Variants in FAM110B observed in about 807,000 individuals in gnomAD.
FAM110B encodes the protein protein FAM110B.
Under a neutral mutation model 20.4 loss-of-function variants are expected in FAM110B, and 6 were observed. The ratio of observed to expected loss-of-function variants is 0.29; its 90% CI spans 0.16 to 0.58. The LOEUF (loss-of-function observed/expected upper bound fraction) is 0.58, where lower values mean the gene tolerates loss of function less well. Ranked by LOEUF, FAM110B falls within the 20% of genes least tolerant of loss-of-function variation. FAM110B has a pLI of 0.90. For synonymous variants in FAM110B, 226 were observed against 214.1 expected (o/e 1.06, Z -0.49); for missense variants, 434 against 498.2 (o/e 0.87, Z 1.23).
intron 2 of FAM110B, among the ~76,000 whole-genome samples, chr8:58,036,093 T>G (rs1805069655): frequency 6.6e-6 from 1 of 152,166 alleles, no homozygotes; most frequent in Non-Finnish European, 1.5e-5. Context: ...CTTATATCAG[T>G]TACACACCAA....
intron 2 of FAM110B, among the ~76,000 whole-genome samples, chr8:58,063,904 G>T (rs144126829): frequency 3.9e-5 from 6 of 152,250 alleles, no homozygotes; most frequent in African/African-American, 1.2e-4. Flanking sequence ...CCTGAGATTG[G>T]GTAGTTTATA....
At chr8:58,085,147 G>A (rs542432308) in intron 3 of FAM110B, among the ~76,000 whole-genome samples, 1 of 152,296 alleles carries the variant, frequency 6.6e-6, no homozygotes, top group East Asian at 1.9e-4. Flanking sequence ...TGCTGTATTG[G>A]TAAAGGGAAG....
intron 3 of FAM110B, among the ~76,000 whole-genome samples, chr8:58,124,293 A>T (rs144490702): frequency 2.0e-4 from 31 of 152,338 alleles, no homozygotes; most frequent in African/African-American, 7.5e-4. Context: ...CCCTAATGAC[A>T]ATGAAATTGT....
rs528247990 is a variant in FAM110B, at chr8:58,085,883, G to A, written c.-325+10260G>A. On this transcript the variant is annotated intron_variant, in intron 3 of 3. Transcript: ENST00000519262. ...GCCAGTGCTCAATTAAAAAATCAAT[G>A]GAATTAATATAAACCTGAGTAAATT... Among the ~76,000 whole-genome samples, 10 of 152,264 alleles carry A rather than the reference G, an allele frequency of 6.6e-5. No individual in the cohort carries two copies. The South Asian group carries it at 1.2e-3, about 19-fold the overall frequency.
intron 1 of FAM110B, among the ~76,000 whole-genome samples, chr8:58,015,629 T>C (rs1804622533): frequency 6.6e-6 from 1 of 151,942 alleles, no homozygotes; most frequent in African/African-American, 2.4e-5. Flanking sequence ...GCAGATCACT[T>C]GAGGTCAGGA....
At chr8:58,007,918 T>C (rs1804444722) in intron 1 of FAM110B, among the ~76,000 whole-genome samples, 1 of 152,214 alleles carries the variant, frequency 6.6e-6, no homozygotes, top group Non-Finnish European at 1.5e-5. Flanking sequence ...GAAGGTGTTA[T>C]TTTCTTCTTT....
intron 3 of FAM110B, among the ~76,000 whole-genome samples, chr8:58,135,583 T>G (rs896214220): frequency 6.6e-6 from 1 of 152,238 alleles, no homozygotes; most frequent in Non-Finnish European, 1.5e-5. Flanking sequence ...AAATAAATGT[T>G]CTGTATATAT....
intron 3 of FAM110B, among the ~76,000 whole-genome samples, chr8:58,140,156 C>T (rs950998093): frequency 6.6e-6 from 1 of 152,050 alleles, no homozygotes; most frequent in Non-Finnish European, 1.5e-5. Context: ...CCAACCACTT[C>T]TCCGTAGTCA....
intron 3 of FAM110B, among the ~76,000 whole-genome samples, chr8:58,101,176 C>T (rs1007254417): frequency 8.7e-6 from 1 of 114,314 alleles, no homozygotes; most frequent in Non-Finnish European, 1.9e-5. Flanking sequence ...GACTCCGTCT[C>T]AAAAAAAAAA....
At chr8:58,141,815 C>T (rs567616472) in intron 3 of FAM110B, among the ~76,000 whole-genome samples, 71 of 152,288 alleles carry the variant, frequency 4.7e-4, no homozygotes, top group African/African-American at 1.7e-3. Flanking sequence ...CAGCCCGTAG[C>T]GGGGGGCTCC....
At chr8:58,072,419 T>C (rs1805922485) in intron 2 of FAM110B, among the ~76,000 whole-genome samples, 1 of 152,258 alleles carries the variant, frequency 6.6e-6, no homozygotes, top group South Asian at 2.1e-4. Context: ...AACGGTATTA[T>C]GATATCCCAA....
intron 1 of FAM110B, among the ~76,000 whole-genome samples, chr8:58,018,634 C>T (rs566079524): frequency 3.3e-5 from 5 of 152,068 alleles, no homozygotes; most frequent in South Asian, 2.1e-4. Flanking sequence ...GACATTGATA[C>T]GGTTGATTTT....
At chr8:58,101,200 T>C (rs1035665161) in intron 3 of FAM110B, among the ~76,000 whole-genome samples, 12 of 152,082 alleles carry the variant, frequency 7.9e-5, no homozygotes, top group Non-Finnish European at 1.3e-4. Flanking sequence ...ACCTGTTTAC[T>C]ATTCCAAGTC....
At chr8:57,995,833 A>G (rs541859988) in intron 1 of FAM110B, among the ~76,000 whole-genome samples, 1 of 152,222 alleles carries the variant, frequency 6.6e-6, no homozygotes, top group African/African-American at 2.4e-5. Flanking sequence ...CAGCCAACTT[A>G]TGTCCTCTGC....
intron 2 of FAM110B, among the ~76,000 whole-genome samples, chr8:58,062,170 G>A (rs546086119): frequency 6.6e-6 from 1 of 152,094 alleles, no homozygotes; most frequent in Non-Finnish European, 1.5e-5. Flanking sequence ...TTGTTTCTTT[G>A]CTATAAAAGA....
At chr8:58,033,287 A>C (rs1805007757) in intron 2 of FAM110B, among the ~76,000 whole-genome samples, 1 of 151,972 alleles carries the variant, frequency 6.6e-6, no homozygotes, top group Non-Finnish European at 1.5e-5. Context: ...ACATTTTTTT[A>C]ATCCAGTCCA....
chr8:58,105,781 A>C (rs1806896445), intron 3 of FAM110B, among the ~76,000 whole-genome samples: 1 of 151,894 alleles, frequency 6.6e-6, no homozygotes, highest in South Asian at 2.1e-4. Context: ...CATATTAGCC[A>C]GGATGCTCTC....
intron 3 of FAM110B, among the ~76,000 whole-genome samples, chr8:58,117,960 TG>T (rs755776916): frequency 1.1e-4 from 17 of 152,216 alleles, no homozygotes; most frequent in Non-Finnish European, 2.1e-4. Flanking sequence ...AAGAAGTATC[TG>T]TCTTTATAGA....
At chr8:58,100,660 G>C (rs1412872943) in intron 3 of FAM110B, among the ~76,000 whole-genome samples, 2 of 152,170 alleles carry the variant, frequency 1.3e-5, no homozygotes, top group African/African-American at 4.8e-5. Context: ...CCCTGTGTCT[G>C]TGTCCAAATT....
Sources: gnomAD v4.1 joint callset for allele counts (sites outside exome capture counted in the v4.1 genomes callset) on GRCh38, gnomAD v4.1.1 for gene constraint, MANE v1.5 for transcripts, NCBI Gene and HGNC (gene_info 2026-07-23, HGNC 2026-07-21) for gene names.